ARHGAP15: variants seen among roughly 807,000 people sequenced by gnomAD.
The protein encoded by ARHGAP15 is rho GTPase-activating protein 15.
A neutral mutation model predicts 63.7 loss-of-function variants in ARHGAP15; 51 were observed. The ratio of observed to expected loss-of-function variants is 0.80; its 90% confidence interval spans 0.64 to 1.01. ARHGAP15 has a LOEUF of 1.01. Ranked by LOEUF, ARHGAP15 falls within the 50% of genes least tolerant of loss-of-function variation. The pLI is 0.00. For missense variants in ARHGAP15, 560 were observed against 564.6 expected, an observed-to-expected ratio of 0.99 and a Z score of 0.08; for synonymous variants, 191 against 193.8, an observed-to-expected ratio of 0.99 and a Z score of 0.12.
intron 12 of ARHGAP15, among the ~76,000 whole-genome samples, chr2:143,674,244 C>T (rs981092717): frequency 1.4e-4 from 22 of 152,080 alleles, no homozygotes; most frequent in African/African-American, 5.1e-4. Context: ...AAAAATGACT[C>T]ATAAGCTCAT....
At chr2:143,723,413 G>A (rs1322382651) in intron 13 of ARHGAP15, among the ~76,000 whole-genome samples, 2 of 152,224 alleles carry the variant, frequency 1.3e-5, no homozygotes, top group South Asian at 2.1e-4. Context: ...ACGTGACTAC[G>A]GAGCAATTGT....
chr2:143,176,360 GTTAA>G (rs1283103488), intron 2 of ARHGAP15, among the ~76,000 whole-genome samples: 1 of 152,006 alleles, frequency 6.6e-6, no homozygotes, highest in Non-Finnish European at 1.5e-5. Flanking sequence ...TAACTACTTT[GTTAA>G]TTTAGGTTAT....
At chr2:143,219,055 T>G (rs1402205845) in intron 4 of ARHGAP15, among the ~76,000 whole-genome samples, 1 of 152,230 alleles carries the variant, frequency 6.6e-6, no homozygotes, top group African/African-American at 2.4e-5. Context: ...GTTCATTTCT[T>G]CCAATTGCTG....
intron 6 of ARHGAP15, among the ~76,000 whole-genome samples, chr2:143,331,175 CAT>C (rs962465404): frequency 5.3e-5 from 8 of 152,154 alleles, no homozygotes; most frequent in African/African-American, 1.7e-4. Flanking sequence ...ACATAACAAA[CAT>C]ATATTTTTCC....
intron 6 of ARHGAP15, among the ~76,000 whole-genome samples, chr2:143,377,979 A>C (rs1686890670): frequency 6.6e-6 from 1 of 152,070 alleles, no homozygotes; most frequent in Admixed American, 6.6e-5. Context: ...AATTTAATAC[A>C]CTCAGAATGT....
intron 8 of ARHGAP15, among the ~76,000 whole-genome samples, chr2:143,470,845 C>T (rs745810951): frequency 4.1e-5 from 6 of 147,966 alleles, no homozygotes; most frequent in African/African-American, 5.0e-5. Flanking sequence ...TATATATATA[C>T]ACACACACGT....
intron 6 of ARHGAP15, among the ~76,000 whole-genome samples, chr2:143,403,028 A>C (rs1688054451): frequency 6.6e-6 from 1 of 151,872 alleles, no homozygotes; most frequent in African/African-American, 2.4e-5. Flanking sequence ...TAAAACCTTT[A>C]AAAGTAATTA....
At chr2:143,619,875 A>G (rs1280095394) in intron 11 of ARHGAP15, among the ~76,000 whole-genome samples, 2 of 152,262 alleles carry the variant, frequency 1.3e-5, no homozygotes, top group Admixed American at 6.5e-5. Flanking sequence ...TTGTTCTTCT[A>G]TACAGCCTGC....
chr2:143,680,021 T>TAAAAAAAAAAAAAAAAAAAA (rs55927433), intron 12 of ARHGAP15, among the ~76,000 whole-genome samples: 1 of 101,626 alleles, frequency 9.8e-6, no homozygotes, highest in African/African-American at 4.5e-5. Context: ...AGTAAATGAT[T>TAAAAAAAAAAAAAAAAAAAA]AAAAAAAAAA....
chr2:143,139,070 C>A (rs931808795), intron 1 of ARHGAP15, among the ~76,000 whole-genome samples: 1 of 151,944 alleles, frequency 6.6e-6, no homozygotes, highest in African/African-American at 2.4e-5. Context: ...CAAATACGGT[C>A]CTTAAATTTC....
chr2:143,154,351 G>C (rs1689995312), intron 1 of ARHGAP15, among the ~76,000 whole-genome samples: 1 of 151,758 alleles, frequency 6.6e-6, no homozygotes, highest in Non-Finnish European at 1.5e-5. Flanking sequence ...GTTCGTCTTA[G>C]TGTCTGCCTG....
At chr2:143,555,150 T>C (rs181892330) in intron 10 of ARHGAP15, among the ~76,000 whole-genome samples, 153 of 152,316 alleles carry the variant, frequency 1.0e-3, no homozygotes, top group African/African-American at 3.7e-3. Flanking sequence ...ACCAATGTTA[T>C]AAGTGATGTT....
At chr2:143,767,727 T>C (rs2072970134) in intron 13 of ARHGAP15, among the ~76,000 whole-genome samples, 1 of 152,172 alleles carries the variant, frequency 6.6e-6, no homozygotes, top group Non-Finnish European at 1.5e-5. Flanking sequence ...CTGTTTAATA[T>C]ACTCATTCAT....
intron 2 of ARHGAP15, among the ~76,000 whole-genome samples, chr2:143,172,691 A>T (rs1690837478): frequency 6.6e-6 from 1 of 152,076 alleles, no homozygotes; most frequent in South Asian, 2.1e-4. Flanking sequence ...AATCACTGAG[A>T]CAGGAAGAAC....
chr2:143,346,609 G>A (rs891001674), intron 6 of ARHGAP15, among the ~76,000 whole-genome samples: 14 of 152,086 alleles, frequency 9.2e-5, no homozygotes, highest in African/African-American at 3.4e-4. Context: ...CCAAAATGTT[G>A]ATGGATATAC....
rs1251099405 is a variant in ARHGAP15 at position 143,437,233 on chromosome 2, T to G, written c.703+191T>G. 5 of 560,338 alleles carry G rather than the reference T, an allele frequency of 8.9e-6. No individual in the cohort carries two copies. The East Asian group carries it at 1.7e-4, about 19-fold the overall frequency. The allele number at this position is 560,338 out of a possible 1,614,324, so 34.7% of individuals were successfully genotyped here. On this transcript the variant is annotated intron_variant, in intron 8 of 13. Transcript: ENST00000295095. ...TGCTCACATCATTGTTGGTAATGCC[T>G]TTTGAGAAAATAATTGTTCCAAGGT...
intron 6 of ARHGAP15, among the ~76,000 whole-genome samples, chr2:143,354,931 A>G (rs914844436): frequency 6.6e-6 from 1 of 152,202 alleles, no homozygotes; most frequent in Non-Finnish European, 1.5e-5. Flanking sequence ...TCCATTTCAC[A>G]ATTTCAAAGT....
intron 6 of ARHGAP15, among the ~76,000 whole-genome samples, chr2:143,363,678 T>G (rs565273090): frequency 1.3e-5 from 2 of 152,312 alleles, no homozygotes; most frequent in Non-Finnish European, 1.5e-5. Flanking sequence ...TATCACATAT[T>G]TCTCTGCATA....
intron 13 of ARHGAP15, among the ~76,000 whole-genome samples, chr2:143,711,238 G>A (rs1324779229): frequency 6.6e-6 from 1 of 152,188 alleles, no homozygotes; most frequent in Non-Finnish European, 1.5e-5. Flanking sequence ...AATGCATAAA[G>A]AGGATTCCTA....
Sources: gnomAD v4.1 joint callset for allele counts (sites outside exome capture counted in the v4.1 genomes callset) on GRCh38, gnomAD v4.1.1 for gene constraint, MANE v1.5 for transcripts, NCBI Gene and HGNC (gene_info 2026-07-23, HGNC 2026-07-21) for gene names.